ANAPC4: variants seen among roughly 807,000 people sequenced by gnomAD.
ANAPC4 encodes the protein anaphase-promoting complex subunit 4.
In ANAPC4, 63 loss-of-function variants were observed where a neutral mutation model predicts 119.8. The ratio of observed to expected loss-of-function variants is 0.53; its 90% CI spans 0.43 to 0.65. ANAPC4 has a LOEUF of 0.65. Among genes scored for constraint, ANAPC4 ranks in the 30% least tolerant of loss-of-function variants. ANAPC4 has a pLI of 0.00. For synonymous variants in ANAPC4, 283 were observed against 318.6 expected, an observed-to-expected ratio of 0.89 and a Z score of 1.19; for missense variants, 716 against 945.1, an observed-to-expected ratio of 0.76 and a Z score of 3.18.
chr4:25,413,510 T>A, intron 21 of ANAPC4, 135 bp from the exon 22 acceptor site: 105 of 560,888 alleles, frequency 1.9e-4, no homozygotes, highest in East Asian at 4.8e-4. Flanking sequence ...TGTGTGAAAA[T>A]CCAATGAAGT....
intron 10 of ANAPC4, among the ~76,000 whole-genome samples, chr4:25,393,035 C>T (rs547105308): frequency 2.6e-5 from 4 of 152,246 alleles, no homozygotes; most frequent in South Asian, 2.1e-4. Context: ...TTAGTCAAAG[C>T]GAGACTCAAG....
At chr4:25,378,009 C>T (rs968623048) in intron 2 of ANAPC4, among the ~76,000 whole-genome samples, 3 of 152,210 alleles carry the variant, frequency 2.0e-5, no homozygotes, top group African/African-American at 7.2e-5. Context: ...AATGTGCCTG[C>T]ATGTAGCTGC....
intron 8 of ANAPC4, 27 bp from the exon 9 acceptor site, chr4:25,390,884 A>T: frequency 1.3e-6 from 2 of 1,552,796 alleles, no homozygotes; most frequent in Non-Finnish European, 1.8e-6. Context: ...GATACTAAAT[A>T]TACTAAGGGG....
At position 25,405,319 on chromosome 4, in the gene ANAPC4, G is replaced by C. The variant is rs189249094; in HGVS notation, c.1271-254G>C. On this transcript the variant is annotated intron_variant, in intron 17 of 28. Coordinates refer to ENST00000315368, the MANE Select transcript of ANAPC4 (RefSeq NM_013367.3). The surrounding 1 kb of genome is among the most constrained non-coding windows in gnomAD (Gnocchi z 4.6). ...GACAGCAGTTAGATTTGTCTGGCGTGGCAACAGGTGGAATTGAAGAGGAAA... is the reference window on the plus strand; with the variant it reads ...GACAGCAGTTAGATTTGTCTGGCGTCGCAACAGGTGGAATTGAAGAGGAAA... 6.6e-6 allele frequency among the ~76,000 whole-genome samples: 1 copy of C among 152,172 alleles called. No homozygotes were observed. The highest frequency in any genetic ancestry group is 1.9e-4 in the East Asian group (1 of 5,180).
rs779976609 is a variant in ANAPC4, at chr4:25,416,498, C to A, written c.1975C>A (p.Arg659Ser). 6.2e-7 allele frequency: 1 copy of A among 1,607,180 alleles called. No homozygotes were observed. The highest frequency in any genetic ancestry group is 1.7e-5 in the Admixed American group (1 of 59,868). ...AGTAGTTCTTAAAGACACTGTAGGA[C>A]GTGAAGGAAGAGATAGACTCTTGGT... ...VTVVLKDTVGREGRDRLLVQL... is the reference protein window; with the variant it reads ...VTVVLKDTVGSEGRDRLLVQL... Residue 659 changes from arginine to serine, a missense_variant, in exon 27 of 29, where the codon CGT becomes AGT. Coordinates refer to ENST00000315368, the MANE Select transcript of ANAPC4 (RefSeq NM_013367.3).
chr4:25,382,182 C>A (rs1044859852), intron 3 of ANAPC4, among the ~76,000 whole-genome samples: 1 of 152,086 alleles, frequency 6.6e-6, no homozygotes, highest in Non-Finnish European at 1.5e-5. Flanking sequence ...ATGTTAATTG[C>A]GTACTAACCC....
At chr4:25,394,086 T>TG (rs1243316913) in intron 11 of ANAPC4, among the ~76,000 whole-genome samples, 195 bp downstream of exon 11, 2 of 152,122 alleles carry the variant, frequency 1.3e-5, no homozygotes, top group African/African-American at 4.8e-5. Context: ...ACAACTTAAG[T>TG]GGGGACAGGA....
At chr4:25,388,447 A>G in intron 4 of ANAPC4, 53 bp from the exon 5 acceptor site, 1 of 1,239,642 alleles carries the variant, frequency 8.1e-7, no homozygotes, top group Non-Finnish European at 1.2e-6. Flanking sequence ...TTTAATGGCA[A>G]GAGAAGTAAA....
chr4:25,406,786 T>C (rs773906203), intron 18 of ANAPC4, 43 bp from the exon 19 acceptor site: 3 of 1,432,974 alleles, frequency 2.1e-6, no homozygotes, highest in Non-Finnish European at 1.9e-6. Context: ...ATTGAGCAGC[T>C]TTCTTTTATC....
At chr4:25,396,792 C>T in intron 15 of ANAPC4, 28 bp downstream of exon 15, 2 of 1,608,812 alleles carry the variant, frequency 1.2e-6, no homozygotes, top group Non-Finnish European at 1.7e-6. Flanking sequence ...CAGTGAAATA[C>T]ATTAAACACA....
chr4:25,388,558 C>T lies in ANAPC4; in HGVS notation c.427C>T (p.Pro143Ser). 6.2e-7 allele frequency: 1 copy of T among 1,603,998 alleles called. No individual in the cohort carries two copies. Among genetic ancestry groups the T allele is most frequent in the Non-Finnish European group, 8.5e-7 (1 of 1,171,652 alleles). ...ATCAAATCTTCTCTTACCTAAACTACCTACACTGCCAAAAAAGTATGTATC... is the reference window on the plus strand; with the variant it reads ...ATCAAATCTTCTCTTACCTAAACTATCTACACTGCCAAAAAAGTATGTATC... ...DESNLLLPKL[P>S]TLPKNYSNTS... Residue 143 changes from proline to serine, a missense_variant, in exon 5 of 29, where the codon CCT (proline) becomes TCT (serine). Physicochemically the swap from Pro to Ser is moderately conservative, Grantham distance 74. Transcript: ENST00000315368.
rs2109120884 is a variant in ANAPC4 at position 25,392,349 on chromosome 4, T to C, written c.717T>C (p.Asn239=). The change falls in exon 10 of 29, where the codon AAT becomes AAC. Residue 239 remains asparagine (N), a synonymous_variant. Transcript: ENST00000315368. ...TTTTGATTTTACAGCTTGAAACTAA[T>C]CTGTTGTACTCTTTCTTACCTGAAG... ...SEVSYFQLET[N]LLYSFLPEVT... The C allele has an allele frequency of 6.2e-7, 1 of 1,611,648 alleles. No homozygotes were observed.
intron 16 of ANAPC4, among the ~76,000 whole-genome samples, chr4:25,398,525 A>G (rs1355420389): frequency 2.0e-5 from 3 of 152,116 alleles, no homozygotes; most frequent in East Asian, 1.9e-4. Context: ...GTAAGGTAGG[A>G]GGTGGATTGA....
intron 14 of ANAPC4, 147 bp from the exon 15 acceptor site, chr4:25,396,516 AG>A: frequency 1.6e-6 from 1 of 624,406 alleles, no homozygotes; most frequent in African/African-American, 1.8e-5. Flanking sequence ...TGCAGTTTTT[AG>A]GAACAGTTTT....
intron 14 of ANAPC4, chr4:25,395,371 C>CA (rs1410003823): frequency 6.6e-6 from 1 of 152,526 alleles, no homozygotes; most frequent in African/African-American, 2.4e-5. Context: ...CCTAGATTTT[C>CA]AAATCTCATG....
chr4:25,380,669 G>C (rs1721665414), intron 3 of ANAPC4, 190 bp downstream of exon 3: 1 of 407,098 alleles, frequency 2.5e-6, no homozygotes. Flanking sequence ...CTTGTTTCTT[G>C]GCAAAGATAT....
At chr4:25,377,645 A>G in intron 2 of ANAPC4, 89 bp downstream of exon 2, 1 of 1,494,352 alleles carries the variant, frequency 6.7e-7, no homozygotes, top group Non-Finnish European at 8.9e-7. Context: ...TTCGGGCCAC[A>G]GGCGGCCGGA....
intron 21 of ANAPC4, 190 bp from the exon 22 acceptor site, chr4:25,413,455 G>A (rs938765074): frequency 7.0e-5 from 34 of 484,106 alleles, no homozygotes; most frequent in South Asian, 5.1e-4. Flanking sequence ...AGCTGTCAGC[G>A]GGGGTTGATG....
intron 26 of ANAPC4, chr4:25,415,794 G>T (rs1723837026): frequency 5.8e-6 from 2 of 343,708 alleles, no homozygotes; most frequent in Non-Finnish European, 1.0e-5. Context: ...TGTTGACAAA[G>T]AAAGTAATGT....
Sources: gnomAD v4.1 joint callset for allele counts (sites outside exome capture counted in the v4.1 genomes callset) on GRCh38, gnomAD v4.1.1 for gene constraint, Gnocchi (gnomAD v3.1) non-coding constraint, MANE v1.5 for transcripts, NCBI Gene and HGNC (gene_info 2026-07-23, HGNC 2026-07-21) for gene names.